CEP83: variants seen among roughly 807,000 people sequenced by gnomAD.
CEP83 encodes the protein centrosomal protein of 83 kDa.
CEP83 carries 70 observed loss-of-function variants against 101.9 expected under a neutral mutation model. The ratio of observed to expected loss-of-function variants is 0.69; its 90% CI spans 0.57 to 0.84. The LOEUF (loss-of-function observed/expected upper bound fraction) is 0.84. Among genes scored for constraint, CEP83 ranks in the 40% least tolerant of loss-of-function variants. The pLI is 0.00. For synonymous variants in CEP83, 264 were observed against 267.9 expected, an observed-to-expected ratio of 0.99 and a Z score of 0.14; for missense variants, 715 against 787.2, an observed-to-expected ratio of 0.91 and a Z score of 1.10.
intron 1 of CEP83, among the ~76,000 whole-genome samples, chr12:94,447,895 G>C (rs1483883766): frequency 2.0e-5 from 3 of 151,960 alleles, no homozygotes; most frequent in African/African-American, 7.2e-5. Context: ...GTAAAGAAAA[G>C]AGGAAAAAGC....
intron 11 of CEP83, among the ~76,000 whole-genome samples, chr12:94,366,457 T>G (rs2061032986): frequency 6.6e-6 from 1 of 152,172 alleles, no homozygotes; most frequent in South Asian, 2.1e-4. Flanking sequence ...CTAAAACAAC[T>G]TTATATTTTA....
the CEP83 span, chr12:94,282,520 T>G: frequency 3.0e-6 from 2 of 670,504 alleles, no homozygotes; most frequent in Non-Finnish European, 5.2e-6. Context: ...AGATCGATCG[T>G]GTCTGGGGCT....
the CEP83 span, among the ~76,000 whole-genome samples, chr12:94,267,068 C>T: frequency 2.8e-3 from 419 of 152,330 alleles, 3 homozygotes; most frequent in African/African-American, 9.6e-3. Context: ...ACTCACCTTT[C>T]GCTGATCCTG....
At chr12:94,409,617 G>T (rs1188809293) in intron 4 of CEP83, among the ~76,000 whole-genome samples, 1 of 152,148 alleles carries the variant, frequency 6.6e-6, no homozygotes, top group African/African-American at 2.4e-5. Context: ...TCGTTTCCTA[G>T]GTTGCCATAA....
the CEP83 span, among the ~76,000 whole-genome samples, chr12:94,272,697 T>A: frequency 6.6e-6 from 1 of 152,234 alleles, no homozygotes; most frequent in African/African-American, 2.4e-5. Context: ...TTGAGCCCAC[T>A]GAATCTGGAG....
At chr12:94,364,071 A>C (rs1382292162) in intron 11 of CEP83, among the ~76,000 whole-genome samples, 4 of 152,122 alleles carry the variant, frequency 2.6e-5, no homozygotes, top group Non-Finnish European at 5.9e-5. Context: ...CCTAAAAGAC[A>C]GAAAGTGAAA....
At chr12:94,429,507 G>C (rs1482790369) in intron 2 of CEP83, among the ~76,000 whole-genome samples, 1 of 152,112 alleles carries the variant, frequency 6.6e-6, no homozygotes, top group East Asian at 1.9e-4. Flanking sequence ...CTTGTGCTTG[G>C]GCTTAACAGC....
chr12:94,419,460 TC>T (rs1397831662), intron 2 of CEP83, among the ~76,000 whole-genome samples: 1 of 152,088 alleles, frequency 6.6e-6, no homozygotes, highest in Non-Finnish European at 1.5e-5. Context: ...TCAATTAATA[TC>T]CAAATGAGTG....
chr12:94,278,147 A>G, the CEP83 span: 1 of 52,330 alleles, frequency 1.9e-5, no homozygotes, highest in Non-Finnish European at 3.3e-5. Flanking sequence ...CCTTAAAACC[A>G]AAAAAAACAA....
chr12:94,412,917 A>C (rs1362861067), intron 2 of CEP83, among the ~76,000 whole-genome samples: 1 of 150,074 alleles, frequency 6.7e-6, no homozygotes, highest in African/African-American at 2.5e-5. Context: ...CAGTGGCGCT[A>C]TCTCGACTCA....
chr12:94,348,094 G>A (rs2060022486), intron 11 of CEP83, among the ~76,000 whole-genome samples: 1 of 151,762 alleles, frequency 6.6e-6, no homozygotes, highest in Admixed American at 6.6e-5. Flanking sequence ...TAAATTTTAT[G>A]TATATTTTAC....
At chr12:94,301,087 G>T in the CEP83 span, 1 of 1,605,478 alleles carries the variant, frequency 6.2e-7, no homozygotes, top group Non-Finnish European at 8.5e-7. Flanking sequence ...TTTCTTGTAT[G>T]CAGTCTTATG....
chr12:94,329,548 AC>A (rs2059120218), intron 14 of CEP83, among the ~76,000 whole-genome samples: 1 of 152,208 alleles, frequency 6.6e-6, no homozygotes, highest in Admixed American at 6.5e-5. Flanking sequence ...ACTGGGTGTC[AC>A]TTTTGCTTCA....
At chr12:94,317,483 T>C (rs1970895690) in intron 14 of CEP83, among the ~76,000 whole-genome samples, 1 of 152,224 alleles carries the variant, frequency 6.6e-6, no homozygotes, top group East Asian at 1.9e-4. Context: ...CATGAAATCT[T>C]TGCCAGTTCC....
the CEP83 span, among the ~76,000 whole-genome samples, chr12:94,281,627 C>A: frequency 6.6e-6 from 1 of 152,114 alleles, no homozygotes; most frequent in South Asian, 2.1e-4. Context: ...CACTATGTTG[C>A]CCAGGCTGGT....
rs151200252 is a variant in CEP83, at chr12:94,446,121, C to G, written c.-154-10794G>C. On this transcript the variant is annotated intron_variant, in intron 1 of 16. Coordinates refer to ENST00000397809, the MANE Select transcript of CEP83 (RefSeq NM_016122.3). ...TTTTTTGCTTTGCAAACATTTATTT[C>G]TTGGGTTAACCCACCACCACTATGA... Among the ~76,000 whole-genome samples, 7 of 152,326 alleles carry G rather than the reference C, an allele frequency of 4.6e-5. 1 individual carries two copies. Among genetic ancestry groups the G allele is most frequent in the Admixed American group, 2.0e-4 (3 of 15,300 alleles).
At chr12:94,382,201 G>GAT (rs1474353940) in intron 6 of CEP83, among the ~76,000 whole-genome samples, 1 of 151,930 alleles carries the variant, frequency 6.6e-6, no homozygotes, top group African/African-American at 2.4e-5. Flanking sequence ...GGTCATGAGT[G>GAT]ATACTCTTTC....
At position 94,400,919 on chromosome 12, in the gene CEP83, T is replaced by C. The variant is rs780444539; in HGVS notation, c.480A>G (p.Ser160=). ...ACTCTTCCTTCTGGTGTTCAAATTC[T>C]GACTTGAGAAATGTATGTTCATAGC... ...KLRYEHTFLK[S]EFEHQKEEYA... The change falls in exon 6 of 17, where the codon TCA becomes TCG. Residue 160 remains serine, a synonymous_variant. Transcript: ENST00000397809. The C allele has an allele frequency of 9.9e-6, 15 of 1,517,712 alleles. No homozygotes were observed. Among genetic ancestry groups the C allele is most frequent in the African/African-American group, 1.4e-5 (1 of 71,580 alleles). 94.0% of individuals were successfully genotyped at this position (1,517,712 alleles called of 1,614,324 possible). A position where few individuals can be genotyped will look rare whatever the true frequency, so the allele number is the denominator to read the frequency against.
chr12:94,273,858 T>C, the CEP83 span, among the ~76,000 whole-genome samples: 1 of 152,182 alleles, frequency 6.6e-6, no homozygotes, highest in South Asian at 2.1e-4. Context: ...AGTAAGAGCA[T>C]GACTTGCCTC....
Sources: gnomAD v4.1 joint callset for allele counts (sites outside exome capture counted in the v4.1 genomes callset) on GRCh38, gnomAD v4.1.1 for gene constraint, MANE v1.5 for transcripts, NCBI Gene and HGNC (gene_info 2026-07-23, HGNC 2026-07-21) for gene names.